The following CBR4 variants were observed in gnomAD, a reference collection of about 807,000 sequenced individuals.
CBR4 encodes 3-oxoacyl-[acyl-carrier-protein] reductase.
Under a neutral mutation model 21.0 loss-of-function variants are expected in CBR4, and 22 were observed. That is an observed-to-expected ratio of 1.05 (90% CI 0.75 to 1.50). The LOEUF (loss-of-function observed/expected upper bound fraction) is 1.50, where lower values mean the gene tolerates loss of function less well. Among genes scored for constraint, CBR4 ranks in the 40% most tolerant of loss-of-function variants. CBR4 has a pLI of 0.00. For synonymous variants in CBR4, 100 were observed against 104.4 expected, an observed-to-expected ratio of 0.96 and a Z score of 0.26; for missense variants, 302 against 286.3, an observed-to-expected ratio of 1.05 and a Z score of -0.40.
intron 2 of CBR4, among the ~76,000 whole-genome samples, chr4:168,958,383 A>G (rs1390288211): frequency 6.6e-6 from 1 of 152,098 alleles, no homozygotes; most frequent in Non-Finnish European, 1.5e-5. Flanking sequence ...TTTGCAATTT[A>G]TCTATGTGTA....
chr4:168,994,269 T>TC (rs1317010912), intron 4 of CBR4, among the ~76,000 whole-genome samples: 1 of 152,236 alleles, frequency 6.6e-6, no homozygotes, highest in Non-Finnish European at 1.5e-5. Context: ...AAGGCACAGA[T>TC]CGCTCATGCT....
intron 2 of CBR4, among the ~76,000 whole-genome samples, chr4:168,959,399 A>G (rs1050555080): frequency 4.3e-4 from 66 of 152,040 alleles, no homozygotes; most frequent in Middle Eastern, 3.4e-3. Context: ...CTATATATCT[A>G]TCCTTTCACC....
At chr4:168,996,417 C>T (rs575039151) in intron 4 of CBR4, among the ~76,000 whole-genome samples, 1 of 135,296 alleles carries the variant, frequency 7.4e-6, no homozygotes, top group East Asian at 2.5e-4. Context: ...ACATCACCCC[C>T]CCCTTTCCAT....
At chr4:168,924,281 TTTA>T in intron 2 of CBR4, 2 of 1,613,990 alleles carry the variant, frequency 1.2e-6, no homozygotes. Flanking sequence ...ACCCCCTGTG[TTTA>T]TTGAGAAGCT....
chr4:168,925,353 C>A, intron 2 of CBR4: 1 of 1,117,646 alleles, frequency 8.9e-7, no homozygotes, highest in African/African-American at 1.5e-5. Context: ...TTAGTTGTGG[C>A]TTCCTTACTC....
intron 2 of CBR4, among the ~76,000 whole-genome samples, chr4:168,973,667 T>C (rs1460827480): frequency 1.3e-5 from 2 of 152,250 alleles, no homozygotes; most frequent in Non-Finnish European, 2.9e-5. Flanking sequence ...CAGTCATGAA[T>C]CCATCTGGTC....
At chr4:169,009,725 C>T (rs990922802) in intron 1 of CBR4, among the ~76,000 whole-genome samples, 3 of 152,256 alleles carry the variant, frequency 2.0e-5, no homozygotes, top group African/African-American at 7.2e-5. Flanking sequence ...AAGTGTTCAG[C>T]CCTCGGCGGC....
intron 2 of CBR4, among the ~76,000 whole-genome samples, chr4:168,922,877 G>A (rs539252601): frequency 1.3e-5 from 2 of 152,336 alleles, no homozygotes; most frequent in South Asian, 4.1e-4. Context: ...GTGATGCACA[G>A]TAATTGGAAG....
At chr4:168,983,184 T>A (rs1247680293), downstream of CBR4, among the ~76,000 whole-genome samples, 3 of 151,968 alleles carry the variant, frequency 2.0e-5, no homozygotes, top group Non-Finnish European at 2.9e-5. Context: ...CTAATTTTTT[T>A]AAAAAGGGAC....
chr4:168,958,956 T>C (rs549363515), intron 2 of CBR4, among the ~76,000 whole-genome samples: 1 of 152,284 alleles, frequency 6.6e-6, no homozygotes, highest in South Asian at 2.1e-4. Flanking sequence ...TGTATATATG[T>C]ATATATATAG....
At chr4:168,978,080 C>A (rs994328646) in intron 2 of CBR4, among the ~76,000 whole-genome samples, 3 of 152,140 alleles carry the variant, frequency 2.0e-5, no homozygotes, top group African/African-American at 4.8e-5. Flanking sequence ...AGTTCAAAAC[C>A]CTTAACATGG....
At chr4:168,896,646 G>T (rs915812176) in intron 2 of CBR4, 2 of 1,019,432 alleles carry the variant, frequency 2.0e-6, no homozygotes, top group Admixed American at 4.2e-5. Context: ...CTCTGTGTCT[G>T]TTTTCTTCTG....
intron 3 of CBR4, chr4:169,005,819 A>G: frequency 8.7e-7 from 1 of 1,143,598 alleles, no homozygotes; most frequent in South Asian, 1.3e-5. Flanking sequence ...CACTTTCAAA[A>G]CAGAAAAACT....
At chr4:168,961,593 A>C (rs1378088021) in intron 2 of CBR4, among the ~76,000 whole-genome samples, 1 of 152,170 alleles carries the variant, frequency 6.6e-6, no homozygotes, top group Non-Finnish European at 1.5e-5. Context: ...TTTAAAAGAA[A>C]AGAAAAGAAA....
chr4:168,978,519 G>A (rs941002530), intron 2 of CBR4, among the ~76,000 whole-genome samples: 3 of 152,204 alleles, frequency 2.0e-5, no homozygotes, highest in Non-Finnish European at 2.9e-5. Context: ...TGCCAAGTGA[G>A]GCTCCCCCCT....
At chr4:168,926,413 C>G (rs1762586921) in intron 2 of CBR4, 2 of 1,500,692 alleles carry the variant, frequency 1.3e-6, no homozygotes, top group Admixed American at 2.0e-5. Flanking sequence ...AGCTGAAACA[C>G]TGAAACAGCC....
chr4:168,915,422 C>A (rs1017873529), intron 2 of CBR4, among the ~76,000 whole-genome samples: 5 of 152,054 alleles, frequency 3.3e-5, no homozygotes, highest in African/African-American at 1.2e-4. Context: ...CAAAAGAAAA[C>A]TTGCCTAAAA....
intron 2 of CBR4, among the ~76,000 whole-genome samples, chr4:168,907,771 A>G (rs1471733863): frequency 6.6e-6 from 1 of 152,122 alleles, no homozygotes; most frequent in Non-Finnish European, 1.5e-5. Context: ...AGCCCTCCTA[A>G]TAGAATATCC....
chr4:168,966,077 G>A (rs2126740474), intron 2 of CBR4, among the ~76,000 whole-genome samples: 1 of 152,176 alleles, frequency 6.6e-6, no homozygotes, highest in African/African-American at 2.4e-5. Flanking sequence ...CAGAAAGTGG[G>A]CAAAGGATAT....
Sources: gnomAD v4.1 joint callset for allele counts (sites outside exome capture counted in the v4.1 genomes callset) on GRCh38, gnomAD v4.1.1 for gene constraint, MANE v1.5 for transcripts, NCBI Gene and HGNC (gene_info 2026-07-23, HGNC 2026-07-21) for gene names.